PI4K2A: variants seen among roughly 807,000 people sequenced by gnomAD.
The protein encoded by PI4K2A is phosphatidylinositol 4-kinase type 2-alpha.
A neutral mutation model predicts 55.0 loss-of-function variants in PI4K2A; 20 were observed. That is an observed-to-expected ratio of 0.36 (90% CI 0.26 to 0.53). The LOEUF is 0.53. Ranked by LOEUF, PI4K2A falls within the 20% of genes least tolerant of loss-of-function variation. PI4K2A has a pLI of 0.91. For missense variants in PI4K2A, 463 were observed against 637.1 expected (o/e 0.73, Z 2.94); for synonymous variants, 235 against 258.5 (o/e 0.91, Z 0.87).
At chr10:97,664,803 T>C in intron 5 of PI4K2A, 82 bp from the exon 6 acceptor site, 1 of 837,984 alleles carries the variant, frequency 1.2e-6, no homozygotes, top group Non-Finnish European at 2.0e-6. Context: ...TTGAGGGAGT[T>C]GGGATGAGTT....
intron 8 of PI4K2A, among the ~76,000 whole-genome samples, chr10:97,671,291 CAA>C (rs2041633987): frequency 6.6e-6 from 1 of 151,882 alleles, no homozygotes; most frequent in Admixed American, 6.6e-5. Context: ...AAAATACTGA[CAA>C]AAGATGGTGA....
chr10:97,646,990 C>T (rs982688292), intron 1 of PI4K2A, among the ~76,000 whole-genome samples: 1 of 151,886 alleles, frequency 6.6e-6, no homozygotes. Flanking sequence ...CCATGTTGGC[C>T]AGGCTGGTCT....
chr10:97,675,908 T>C (rs1430311584), exon 9 of PI4K2A: 1 of 152,680 alleles, frequency 6.5e-6, no homozygotes, highest in Non-Finnish European at 1.5e-5. Context: ...CTGCCAGCCA[T>C]AGGCCCTGCC....
chr10:97,646,160 C>T (rs955172583), intron 1 of PI4K2A, among the ~76,000 whole-genome samples: 10 of 151,460 alleles, frequency 6.6e-5, no homozygotes, highest in African/African-American at 2.2e-4. Context: ...AGATTGAATA[C>T]TAAGATATGA....
chr10:97,640,738 G>A (rs1470942233), exon 1 of PI4K2A: 1 of 1,493,934 alleles, frequency 6.7e-7, no homozygotes. Flanking sequence ...CCGGCTGTCT[G>A]AGGGATGGAC....
intron 1 of PI4K2A, among the ~76,000 whole-genome samples, chr10:97,642,412 T>C (rs1312148643): frequency 6.6e-6 from 1 of 151,400 alleles, no homozygotes; most frequent in African/African-American, 2.4e-5. Flanking sequence ...TTTTTTTCTT[T>C]TTTTTTTGAG....
At chr10:97,663,868 G>A (rs1358421542) in intron 5 of PI4K2A, among the ~76,000 whole-genome samples, 1 of 149,854 alleles carries the variant, frequency 6.7e-6, no homozygotes, top group Non-Finnish European at 1.5e-5. Flanking sequence ...TTGCTCTGTT[G>A]CGCAGGCTGG....
At chr10:97,666,541 C>G in exon 7 of PI4K2A, 2 of 1,613,788 alleles carry the variant, frequency 1.2e-6, no homozygotes, top group Non-Finnish European at 1.7e-6. Context: ...TCGTCAAGGA[C>G]TTGGAAGAGG....
intron 1 of PI4K2A, among the ~76,000 whole-genome samples, chr10:97,650,157 C>T (rs879793531): frequency 2.6e-5 from 4 of 151,948 alleles, no homozygotes; most frequent in Admixed American, 2.6e-4. Context: ...GGAAAGATTA[C>T]TTTAGAGCCC....
At chr10:97,659,846 C>T (rs1234385808) in intron 4 of PI4K2A, among the ~76,000 whole-genome samples, 1 of 152,080 alleles carries the variant, frequency 6.6e-6, no homozygotes, top group East Asian at 1.9e-4. Flanking sequence ...AAAATAATTA[C>T]ATCAGACAGA....
At chr10:97,664,372 A>T (rs1250443203) in intron 5 of PI4K2A, among the ~76,000 whole-genome samples, 1 of 152,066 alleles carries the variant, frequency 6.6e-6, no homozygotes, top group African/African-American at 2.4e-5. Flanking sequence ...TTTCCTTTTC[A>T]TGCACCACTG....
chr10:97,641,775 T>C (rs1467672321), intron 1 of PI4K2A, among the ~76,000 whole-genome samples: 3 of 152,194 alleles, frequency 2.0e-5, no homozygotes, highest in African/African-American at 4.8e-5. Context: ...TCAAATACTT[T>C]TTGACGACTC....
At chr10:97,641,069 G>C (rs2041465663) in exon 1 of PI4K2A, 3 of 1,607,788 alleles carry the variant, frequency 1.9e-6, no homozygotes, top group South Asian at 2.2e-5. Context: ...AGGATCCTGA[G>C]TTCGAGGCGG....
At position 97,666,469 on chromosome 10, in the gene PI4K2A, G is replaced by C. The variant is rs372605084; in HGVS notation, c.1116G>C (p.Ala372=). 7 of 1,613,220 alleles carry C rather than the reference G, an allele frequency of 4.3e-6. No individual in the cohort carries two copies. In the African/African-American group the frequency reaches 8.0e-5, roughly 18 times the overall value. ...TTTACTGGGCCTGGTTGCCCCAGGC[G>C]AAAGTCCCATTTTCTCAGGAGATCA... Residue 372 remains alanine (A), a synonymous_variant, in exon 7 of 9, where the codon GCG becomes GCC. Transcript: ENST00000370631.
exon 2 of PI4K2A, chr10:97,650,957 T>C: frequency 6.2e-7 from 1 of 1,613,796 alleles, no homozygotes; most frequent in Non-Finnish European, 8.5e-7. Flanking sequence ...ATTGCTGTCT[T>C]CAAACCCAAG....
chr10:97,676,310 C>T (rs952805892), exon 9 of PI4K2A: 2 of 152,206 alleles, frequency 1.3e-5, no homozygotes, highest in African/African-American at 4.8e-5. Flanking sequence ...TGATGTGTTC[C>T]TTTTAGTGTG....
intron 1 of PI4K2A, among the ~76,000 whole-genome samples, chr10:97,648,716 G>T (rs978793624): frequency 2.6e-5 from 4 of 152,258 alleles, no homozygotes; most frequent in East Asian, 3.9e-4. Flanking sequence ...GGTCCGGAGG[G>T]TTACAGTGGA....
intron 4 of PI4K2A, among the ~76,000 whole-genome samples, chr10:97,660,053 G>C (rs1417920928): frequency 7.2e-6 from 1 of 139,256 alleles, no homozygotes; most frequent in Non-Finnish European, 1.5e-5. Flanking sequence ...CCAGGCTGGA[G>C]TGCAGTGGCG....
chr10:97,665,879 C>G (rs1486720805), intron 6 of PI4K2A, among the ~76,000 whole-genome samples: 1 of 152,272 alleles, frequency 6.6e-6, no homozygotes, highest in Non-Finnish European at 1.5e-5. Context: ...GCATGAGCCA[C>G]TGCGCCCGGC....
Sources: allele counts gnomAD v4.1 joint callset (sites outside exome capture counted in the v4.1 genomes callset), GRCh38; gene constraint gnomAD v4.1.1; transcripts MANE v1.5; gene names NCBI Gene and HGNC (gene_info 2026-07-23, HGNC 2026-07-21).